BCO1: variants seen among roughly 807,000 people sequenced by gnomAD.
The protein encoded by BCO1 is beta,beta-carotene 15,15'-dioxygenase.
A neutral mutation model predicts 56.3 loss-of-function variants in BCO1; 54 were observed. The observed-to-expected ratio is 0.96, with a 90% CI of 0.77 to 1.20. The LOEUF is 1.20. BCO1 is among the 50% of genes most tolerant of loss of function. The pLI is 0.00. For synonymous variants in BCO1, 318 were observed against 266.1 expected, an observed-to-expected ratio of 1.20 and a Z score of -1.90; for missense variants, 801 against 690.9, an observed-to-expected ratio of 1.16 and a Z score of -1.79.
At chr16:81,248,738 G>A (rs1342717542) in intron 2 of BCO1, among the ~76,000 whole-genome samples, 5 of 152,252 alleles carry the variant, frequency 3.3e-5, no homozygotes, top group East Asian at 1.9e-4. Context: ...GTGGCCGGGC[G>A]CGGTGGCTCA....
intron 7 of BCO1, among the ~76,000 whole-genome samples, chr16:81,270,623 C>T (rs1211180751): frequency 1.3e-5 from 2 of 151,490 alleles, no homozygotes; most frequent in Non-Finnish European, 2.9e-5. Flanking sequence ...AAAAAAATCC[C>T]TATAAACCTA....
At chr16:81,249,341 C>G (rs1165742366) in intron 2 of BCO1, among the ~76,000 whole-genome samples, 2 of 152,070 alleles carry the variant, frequency 1.3e-5, no homozygotes, top group Admixed American at 6.6e-5. Context: ...ATTGCAAACT[C>G]CACCTCCCGG....
chr16:81,250,251 C>T (rs893691641), intron 2 of BCO1, among the ~76,000 whole-genome samples: 2 of 152,170 alleles, frequency 1.3e-5, no homozygotes, highest in Admixed American at 6.5e-5. Flanking sequence ...TACTCTCTAA[C>T]TTCAGAATCC....
At chr16:81,283,852 C>T (rs1446552942) in intron 8 of BCO1, among the ~76,000 whole-genome samples, 7 of 151,714 alleles carry the variant, frequency 4.6e-5, no homozygotes, top group Non-Finnish European at 1.0e-4. Context: ...AGTATTCAGA[C>T]TTAGAAATTC....
At chr16:81,252,039 T>G (rs1210825694) in intron 2 of BCO1, among the ~76,000 whole-genome samples, 1 of 151,962 alleles carries the variant, frequency 6.6e-6, no homozygotes, top group African/African-American at 2.4e-5. Context: ...TGCTGGGGAA[T>G]GCATGGAGGC....
chr16:81,270,254 C>T lies in BCO1; in HGVS notation c.939C>T (p.Tyr313=), dbSNP rs762606099. 5.6e-6 allele frequency: 9 copies of T among 1,614,060 alleles called. 1 individual carries two copies. The highest frequency in any genetic ancestry group is 4.5e-5 in the East Asian group (2 of 44,892). Residue 313 remains tyrosine, a synonymous_variant, in exon 7 of 11, where the codon TAC becomes TAT. Coordinates refer to ENST00000258168, the MANE Select transcript of BCO1 (RefSeq NM_017429.3). ...TGGTCTTCCATCACGTCAACGCCTA[C>T]GAAGAGGACGGCTGCATCGTGTTTG... The part of the protein sequence containing the change: ...AMVVFHHVNA[Y]EEDGCIVFDV...
chr16:81,256,615 C>T (rs753642617), intron 2 of BCO1, among the ~76,000 whole-genome samples: 58 of 152,292 alleles, frequency 3.8e-4, no homozygotes, highest in Non-Finnish European at 4.6e-4. Flanking sequence ...AGGGCTGGTG[C>T]GGTGGTTCAT....
chr16:81,244,471 T>G (rs1477150217), intron 1 of BCO1, among the ~76,000 whole-genome samples: 1 of 148,770 alleles, frequency 6.7e-6, no homozygotes, highest in Non-Finnish European at 1.5e-5. Flanking sequence ...TGGTGTATAT[T>G]TCATTCTTAT....
chr16:81,254,464 A>G (rs1906006334), intron 2 of BCO1, among the ~76,000 whole-genome samples: 4 of 148,900 alleles, frequency 2.7e-5, no homozygotes, highest in African/African-American at 7.5e-5. Flanking sequence ...TTTTTTTTTT[A>G]ATAGATAAGG....
chr16:81,269,069 T>A (rs75968655), intron 6 of BCO1, among the ~76,000 whole-genome samples: 41 of 69,494 alleles, frequency 5.9e-4, no homozygotes, highest in East Asian at 2.4e-3. Flanking sequence ...CCTGGTCTTT[T>A]TTTTTTTTTT....
intron 2 of BCO1, among the ~76,000 whole-genome samples, chr16:81,252,139 C>A (rs74972948): frequency 1.7e-3 from 262 of 152,190 alleles, no homozygotes; most frequent in African/African-American, 6.1e-3. Context: ...ACTCCATGCT[C>A]TGGGGCTGGA....
At position 81,264,805 on chromosome 16, in the gene BCO1, A is replaced by G; in HGVS notation, c.619+18A>G. 6.2e-7 allele frequency: 1 copy of G among 1,613,892 alleles called. No homozygotes were observed. Among genetic ancestry groups the G allele is most frequent in the Non-Finnish European group, 8.5e-7 (1 of 1,179,832 alleles). Reference sequence around the variant, plus strand: ...AGTACCAGGTAGGCCACTCTGGGGAATTGAATAAAACACAAACAACCAAGT... The same window carrying G: ...AGTACCAGGTAGGCCACTCTGGGGAGTTGAATAAAACACAAACAACCAAGT... On this transcript the variant is annotated intron_variant, in intron 5 of 10. Transcript: ENST00000258168.
At chr16:81,286,344 G>A (rs941328039) in intron 9 of BCO1, among the ~76,000 whole-genome samples, 1 of 152,092 alleles carries the variant, frequency 6.6e-6, no homozygotes, top group Non-Finnish European at 1.5e-5. Context: ...AATGTACACA[G>A]CCAAAAATTA....
intron 7 of BCO1, among the ~76,000 whole-genome samples, chr16:81,280,324 G>GACAC (rs10607036): frequency 0.018 from 2,005 of 113,416 alleles, 134 homozygotes; most frequent in South Asian, 0.026. Flanking sequence ...CACACACACA[G>GACAC]ACACACACAC....
At chr16:81,246,445 G>A (rs1019717529) in intron 2 of BCO1, among the ~76,000 whole-genome samples, 1 of 152,136 alleles carries the variant, frequency 6.6e-6, no homozygotes, top group African/African-American at 2.4e-5. Flanking sequence ...GGAGGCCAAG[G>A]TTCTTTTTCA....
intron 8 of BCO1, 65 bp downstream of exon 8, chr16:81,281,027 C>G: frequency 8.5e-7 from 1 of 1,173,290 alleles, no homozygotes; most frequent in Non-Finnish European, 1.3e-6. Flanking sequence ...GCCCAGAGGC[C>G]TCTTTACATA....
intron 3 of BCO1, among the ~76,000 whole-genome samples, chr16:81,261,069 C>T (rs1906454658): frequency 6.6e-6 from 1 of 152,176 alleles, no homozygotes; most frequent in African/African-American, 2.4e-5. Context: ...ACTGAATTCA[C>T]ATTTGCAAAT....
chr16:81,241,352 C>T (rs1452956983), intron 1 of BCO1, among the ~76,000 whole-genome samples: 7 of 152,036 alleles, frequency 4.6e-5, no homozygotes, highest in African/African-American at 7.2e-5. Flanking sequence ...CCTACCTTTT[C>T]GTGCCCTGGA....
At chr16:81,275,014 T>C (rs35552299) in intron 7 of BCO1, among the ~76,000 whole-genome samples, 37,488 of 152,196 alleles carry the variant, frequency 0.25, 4,860 homozygotes, top group Middle Eastern at 0.39. Flanking sequence ...TTGCTACTTA[T>C]TGTCCCTTAA....
Sources: allele counts gnomAD v4.1 joint callset (sites outside exome capture counted in the v4.1 genomes callset), GRCh38; gene constraint gnomAD v4.1.1; transcripts MANE v1.5; gene names NCBI Gene and HGNC (gene_info 2026-07-23, HGNC 2026-07-21).